Variants in PLXNA4 observed in about 807,000 individuals in gnomAD.
PLXNA4 encodes the protein plexin A4, also known as plexin-A4.
In PLXNA4, 44 loss-of-function variants were observed where a neutral mutation model predicts 191.8. The ratio of observed to expected loss-of-function variants is 0.23; its 90% CI spans 0.18 to 0.29. The LOEUF (loss-of-function observed/expected upper bound fraction) is 0.29, where lower values mean the gene tolerates loss of function less well. Ranked by LOEUF, PLXNA4 falls within the 10% of genes least tolerant of loss-of-function variation. PLXNA4 has a pLI of 1.00. For synonymous variants in PLXNA4, 1,082 were observed against 1,009.5 expected (o/e 1.07, Z -1.36); for missense variants, 1,800 against 2,488.8 (o/e 0.72, Z 5.89).
intron 3 of PLXNA4, among the ~76,000 whole-genome samples, chr7:132,436,467 C>A (rs985345640): frequency 6.6e-6 from 1 of 152,190 alleles, no homozygotes; most frequent in African/African-American, 2.4e-5. Context: ...TGAGACAGGG[C>A]CAGCCAGCTT....
chr7:132,529,873 G>C (rs757941805), intron 1 of PLXNA4, among the ~76,000 whole-genome samples: 1 of 152,170 alleles, frequency 6.6e-6, no homozygotes, highest in Non-Finnish European at 1.5e-5. Context: ...CCAAAGTGCT[G>C]GGATTACAGG....
chr7:132,174,685 C>G, intron 21 of PLXNA4, 93 bp downstream of exon 21: 1 of 1,549,164 alleles, frequency 6.5e-7, no homozygotes, highest in Non-Finnish European at 8.8e-7. Context: ...CCTCCCTGGC[C>G]TTAGTTTTCT....
At chr7:132,479,588 G>A (rs1435684353) in intron 3 of PLXNA4, among the ~76,000 whole-genome samples, 4 of 152,232 alleles carry the variant, frequency 2.6e-5, no homozygotes, top group Non-Finnish European at 4.4e-5. Flanking sequence ...CCGCCCGGCA[G>A]TGGGTGTCCA....
At chr7:132,284,729 A>C (rs1453550770) in intron 4 of PLXNA4, among the ~76,000 whole-genome samples, 1 of 152,230 alleles carries the variant, frequency 6.6e-6, no homozygotes, top group East Asian at 1.9e-4. Flanking sequence ...CAGAGGATAC[A>C]TGAGTGAGTT....
At chr7:132,232,895 C>T (rs1357289564) in intron 5 of PLXNA4, among the ~76,000 whole-genome samples, 1 of 152,196 alleles carries the variant, frequency 6.6e-6, no homozygotes, top group Non-Finnish European at 1.5e-5. Context: ...TCTGTGAGTC[C>T]AGCCTGAGTG....
At chr7:132,442,688 G>A (rs960844111) in intron 3 of PLXNA4, among the ~76,000 whole-genome samples, 6 of 152,194 alleles carry the variant, frequency 3.9e-5, no homozygotes, top group Admixed American at 3.3e-4. Flanking sequence ...CTAAGCACGA[G>A]ATGTGGAAAA....
intron 10 of PLXNA4, 121 bp from the exon 11 acceptor site, chr7:132,203,540 G>A: frequency 1.2e-6 from 1 of 816,124 alleles, no homozygotes; most frequent in Non-Finnish European, 2.1e-6. Flanking sequence ...CCAAGACTGT[G>A]CTTGTGTGCA....
intron 4 of PLXNA4, among the ~76,000 whole-genome samples, chr7:132,275,744 T>C (rs1012717167): frequency 6.6e-6 from 1 of 152,242 alleles, no homozygotes; most frequent in African/African-American, 2.4e-5. Flanking sequence ...CTAGCACTCC[T>C]CTAGCTCTAC....
chr7:132,311,263 A>G (rs559510218), intron 3 of PLXNA4, among the ~76,000 whole-genome samples: 6 of 151,816 alleles, frequency 4.0e-5, no homozygotes, highest in African/African-American at 1.5e-4. Flanking sequence ...GATCCGGCTC[A>G]TGGAAAACTG....
chr7:132,411,258 G>A (rs1179314737), intron 3 of PLXNA4, among the ~76,000 whole-genome samples: 2 of 152,154 alleles, frequency 1.3e-5, no homozygotes, highest in Non-Finnish European at 2.9e-5. Context: ...GTGATTCTCT[G>A]TGCAGGTTAC....
At chr7:132,569,323 C>T (rs1462118110) in intron 1 of PLXNA4, among the ~76,000 whole-genome samples, 2 of 152,182 alleles carry the variant, frequency 1.3e-5, no homozygotes, top group African/African-American at 4.8e-5. Flanking sequence ...ATTTTTGCTT[C>T]CCCGGGATCT....
At chr7:132,493,076 A>G (rs1162158391) in intron 2 of PLXNA4, among the ~76,000 whole-genome samples, 2 of 152,190 alleles carry the variant, frequency 1.3e-5, no homozygotes, top group Non-Finnish European at 2.9e-5. Flanking sequence ...AACAGATGCC[A>G]GGGCTGCCTG....
At chr7:132,205,235 A>G (rs1016208122) in intron 10 of PLXNA4, among the ~76,000 whole-genome samples, 1 of 152,090 alleles carries the variant, frequency 6.6e-6, no homozygotes, top group African/African-American at 2.4e-5. Context: ...TCCACTTTAG[A>G]CTGGTGGCTC....
intron 3 of PLXNA4, among the ~76,000 whole-genome samples, chr7:132,440,560 G>A (rs1206604795): frequency 6.6e-6 from 1 of 152,178 alleles, no homozygotes; most frequent in Non-Finnish European, 1.5e-5. Context: ...ATATGATAAC[G>A]ATTCTAAGGG....
chr7:132,376,871 C>G (rs1374883076), intron 3 of PLXNA4, among the ~76,000 whole-genome samples: 2 of 152,212 alleles, frequency 1.3e-5, no homozygotes, highest in Non-Finnish European at 2.9e-5. Flanking sequence ...CCAGGTCAAC[C>G]TTCGGTGCCA....
chr7:132,316,401 G>A (rs887409198), intron 3 of PLXNA4, among the ~76,000 whole-genome samples: 2 of 152,164 alleles, frequency 1.3e-5, no homozygotes, highest in African/African-American at 4.8e-5. Context: ...GGAAAATGGT[G>A]GACTTAGGAG....
intron 3 of PLXNA4, among the ~76,000 whole-genome samples, chr7:132,388,493 T>C (rs1008753779): frequency 2.6e-5 from 4 of 152,188 alleles, no homozygotes; most frequent in Non-Finnish European, 5.9e-5. Context: ...TTTGTACTTA[T>C]TATTGTATTG....
chr7:132,292,063 G>T (rs1800912515), intron 4 of PLXNA4, among the ~76,000 whole-genome samples: 1 of 152,162 alleles, frequency 6.6e-6, no homozygotes, highest in African/African-American at 2.4e-5. Flanking sequence ...CCAAAATGCT[G>T]GGATTGCAGG....
At chr7:132,610,900 G>A (rs1009669185) in intron 2 of PLXNA4, among the ~76,000 whole-genome samples, 2 of 152,206 alleles carry the variant, frequency 1.3e-5, no homozygotes, top group African/African-American at 4.8e-5. Context: ...ATGTGGATGA[G>A]CAGGAGGGTG....
Sources: allele counts gnomAD v4.1 joint callset (sites outside exome capture counted in the v4.1 genomes callset), GRCh38; gene constraint gnomAD v4.1.1; transcripts MANE v1.5; gene names NCBI Gene and HGNC (gene_info 2026-07-23, HGNC 2026-07-21).